The following VWDE variants were observed in gnomAD, a reference collection of about 807,000 sequenced individuals.
The protein encoded by VWDE is von Willebrand factor D and EGF domains.
In VWDE, 207 loss-of-function variants were observed where a neutral mutation model predicts 178.4. The ratio of observed to expected loss-of-function variants is 1.16; its 90% CI spans 1.04 to 1.30. The LOEUF is 1.30. Ranked by LOEUF, VWDE falls within the 50% of genes most tolerant of loss-of-function variation. The probability of loss-of-function intolerance (pLI) is 0.00; values close to 1 mark genes in which losing one functional copy is unlikely to be tolerated. For synonymous variants in VWDE, 738 were observed against 651.4 expected (o/e 1.13, Z -2.02); for missense variants, 2,287 against 1,901.3 (o/e 1.20, Z -3.77).
chr7:12,399,176 A>C (rs943949957), intron 1 of VWDE, among the ~76,000 whole-genome samples: 1 of 152,178 alleles, frequency 6.6e-6, no homozygotes, highest in African/African-American at 2.4e-5. Context: ...TTACGTATCA[A>C]AAGACAAACT....
At chr7:12,333,351 G>T in intron 28 of VWDE, 114 bp downstream of exon 28, 1 of 686,556 alleles carries the variant, frequency 1.5e-6, no homozygotes, top group Non-Finnish European at 2.3e-6. Flanking sequence ...GCAAATAAAT[G>T]CTTTTTTTAT....
intron 12 of VWDE, 87 bp downstream of exon 12, chr7:12,369,458 T>C (rs1337506664): frequency 1.4e-6 from 2 of 1,410,084 alleles, no homozygotes; most frequent in Non-Finnish European, 1.9e-6. Context: ...TAAACACTGT[T>C]AGGATACTGA....
chr7:12,377,812 A>G lies in VWDE; in HGVS notation c.988T>C (p.Cys330Arg), dbSNP rs1270369454. 2.6e-6 allele frequency: 4 copies of G among 1,523,494 alleles called. No individual in the cohort carries two copies. The highest frequency in any genetic ancestry group is 3.5e-6 in the Non-Finnish European group (4 of 1,131,168). The allele number at this position is 1,523,494 out of a possible 1,614,324, so 94.4% of individuals were successfully genotyped here. A position where few individuals can be genotyped will look rare whatever the true frequency, so the allele number is the denominator to read the frequency against. ...CSEFSELDQE[C>R]KISLKLKTIG... ...GTTTTCAGTTTTAATGAGATTTTGC[A>G]TTCTTGATCAAGCTCACTAAATTCA... Residue 330 changes from cysteine (C) to arginine (R), a missense_variant, in exon 7 of 29, where the codon TGC becomes CGC. Physicochemically the swap from Cys to Arg is radical, Grantham distance 180. Transcript: ENST00000275358.
chr7:12,342,072 G>A lies in VWDE; in HGVS notation c.4257C>T (p.Pro1419=), dbSNP rs569009844. Residue 1419 remains proline, a synonymous_variant, in exon 23 of 29, where the codon CCC becomes CCT. Transcript: ENST00000275358. ...ICQCKPGWYG[P]TCSTALCDPV... ...TTCCAATTTTACCTGTACTACAGGT[G>A]GGTCCATACCAGCCAGGTTTGCACT... 5.2e-6 allele frequency: 8 copies of A among 1,550,856 alleles called. No individual in the cohort carries two copies. In the South Asian group the frequency reaches 7.1e-5, roughly 14 times the overall value.
chr7:12,355,332 C>T (rs1303550675), intron 18 of VWDE, among the ~76,000 whole-genome samples: 1 of 151,170 alleles, frequency 6.6e-6, no homozygotes, highest in Non-Finnish European at 1.5e-5. Flanking sequence ...AAGAGAATGG[C>T]GTGAACCCAG....
At chr7:12,386,002 A>G (rs1388857176) in intron 3 of VWDE, among the ~76,000 whole-genome samples, 1 of 152,150 alleles carries the variant, frequency 6.6e-6, no homozygotes, top group Non-Finnish European at 1.5e-5. Flanking sequence ...TTTTAAATTC[A>G]GTGTAAAAAA....
At chr7:12,366,706 T>C (rs1782876663) in intron 13 of VWDE, among the ~76,000 whole-genome samples, 2 of 152,100 alleles carry the variant, frequency 1.3e-5, no homozygotes, top group South Asian at 2.1e-4. Flanking sequence ...AAGAATATTA[T>C]AATGTGGTTT....
At chr7:12,363,475 G>T (rs1301169593) in intron 13 of VWDE, among the ~76,000 whole-genome samples, 1 of 151,924 alleles carries the variant, frequency 6.6e-6, no homozygotes. Context: ...TGACTGCTTT[G>T]GGGGAGGAAG....
intron 4 of VWDE, among the ~76,000 whole-genome samples, chr7:12,382,449 A>C (rs1783898975): frequency 6.6e-6 from 1 of 151,888 alleles, no homozygotes; most frequent in Non-Finnish European, 1.5e-5. Flanking sequence ...ATATACAAAA[A>C]AAAGGGCTAG....
intron 10 of VWDE, among the ~76,000 whole-genome samples, chr7:12,371,842 T>C (rs1328220944): frequency 6.6e-6 from 1 of 152,114 alleles, no homozygotes; most frequent in Non-Finnish European, 1.5e-5. Flanking sequence ...GTTAAACCTG[T>C]TTATTGATCA....
At chr7:12,394,051 A>G (rs970666605) in intron 1 of VWDE, among the ~76,000 whole-genome samples, 4 of 152,192 alleles carry the variant, frequency 2.6e-5, no homozygotes, top group Non-Finnish European at 4.4e-5. Context: ...ATTTAATTCG[A>G]ACAACCAATA....
At chr7:12,351,768 C>T (rs1476703969) in intron 18 of VWDE, 55 bp from the exon 19 acceptor site, 1 of 1,438,648 alleles carries the variant, frequency 7.0e-7, no homozygotes, top group African/African-American at 1.5e-5. Context: ...ACAACCAAAG[C>T]ACCACAAATA....
At chr7:12,339,424 T>G (rs148123481) in intron 24 of VWDE, among the ~76,000 whole-genome samples, 2 of 152,246 alleles carry the variant, frequency 1.3e-5, no homozygotes, top group African/African-American at 2.4e-5. Context: ...AGATTTCCCT[T>G]AACTTAGTCT....
chr7:12,372,931 AG>A, intron 10 of VWDE, 45 bp downstream of exon 10: 1 of 1,511,996 alleles, frequency 6.6e-7, no homozygotes. Flanking sequence ...TTTATCTGAA[AG>A]GAGAAAAAGG....
intron 13 of VWDE, among the ~76,000 whole-genome samples, chr7:12,365,209 T>C (rs906555987): frequency 6.6e-6 from 1 of 152,056 alleles, no homozygotes; most frequent in Non-Finnish European, 1.5e-5. Context: ...AAAAGGACCA[T>C]TATTAGTTGG....
intron 2 of VWDE, 106 bp downstream of exon 2, chr7:12,393,488 A>AAAACAACAT (rs1332645191): frequency 9.9e-7 from 1 of 1,005,094 alleles, no homozygotes; most frequent in Non-Finnish European, 1.4e-6. Flanking sequence ...ATACAAAATT[A>AAAACAACAT]AAACAACATT....
rs1785033360 is a variant in VWDE, at chr7:12,403,795, C to T, written c.-79G>A. 3 of 1,436,084 alleles carry T rather than the reference C, an allele frequency of 2.1e-6. No homozygotes were observed. The East Asian group carries it at 7.5e-5, about 36-fold the overall frequency. 89.0% of individuals were successfully genotyped at this position (1,436,084 alleles called of 1,614,324 possible). Reference sequence around the variant, plus strand: ...CAGGAGGATGGGGCCACAGCAGCCCCTCGGGCCTCCTTTCTTGGATTTTCT... The same window carrying T: ...CAGGAGGATGGGGCCACAGCAGCCCTTCGGGCCTCCTTTCTTGGATTTTCT... On this transcript the variant is annotated 5_prime_UTR_variant, in exon 1 of 29. Coordinates refer to ENST00000275358, the MANE Select transcript of VWDE (RefSeq NM_001135924.3).
At chr7:12,338,299 A>C (rs1447633289) in intron 24 of VWDE, among the ~76,000 whole-genome samples, 5 of 151,850 alleles carry the variant, frequency 3.3e-5, no homozygotes, top group African/African-American at 2.4e-5. Flanking sequence ...GTCTACTGTT[A>C]TTTCTCTGAC....
At chr7:12,393,524 A>C in intron 2 of VWDE, 70 bp downstream of exon 2, 1 of 1,296,366 alleles carries the variant, frequency 7.7e-7, no homozygotes. Flanking sequence ...AGCTGGTGGT[A>C]AAAAGATACA....
Sources: allele counts gnomAD v4.1 joint callset (sites outside exome capture counted in the v4.1 genomes callset), GRCh38; gene constraint gnomAD v4.1.1; transcripts MANE v1.5; gene names NCBI Gene and HGNC (gene_info 2026-07-23, HGNC 2026-07-21).